The following MLLT10 variants were observed in gnomAD, a reference collection of about 807,000 sequenced individuals.
The protein encoded by MLLT10 is MLLT10 histone lysine methyltransferase DOT1L cofactor.
In MLLT10, 30 loss-of-function variants were observed where a neutral mutation model predicts 129.1. The observed-to-expected ratio is 0.23, with a 90% CI of 0.17 to 0.32. The LOEUF (loss-of-function observed/expected upper bound fraction) is 0.32. Among genes scored for constraint, MLLT10 ranks in the 10% least tolerant of loss-of-function variants. The pLI is 1.00. For synonymous variants in MLLT10, 490 were observed against 446.4 expected, an observed-to-expected ratio of 1.10 and a Z score of -1.23; for missense variants, 1,119 against 1,268.3, an observed-to-expected ratio of 0.88 and a Z score of 1.79.
intron 3 of MLLT10, among the ~76,000 whole-genome samples, chr10:21,554,379 T>G (rs970557489): frequency 3.9e-5 from 6 of 152,186 alleles, no homozygotes; most frequent in African/African-American, 1.4e-4. Context: ...CACGCTGACC[T>G]TGAAAGTGAT....
In MLLT10 at chr10:21,733,559, T is replaced by G; in HGVS notation, c.2463T>G (p.Phe821Leu). 6.3e-7 allele frequency: 1 copy of G among 1,577,382 alleles called. No individual in the cohort carries two copies. The highest frequency in any genetic ancestry group is 2.2e-5 in the East Asian group (1 of 44,626). ...SSKSPHIGNS[F>L]LPDNSLPVLN... ...AGAGCCCTCATATAGGAAACAGCTT[T>G]TTACCTGATAATTCTCTTCCTGTAT... The change falls in exon 19 of 23, where the codon TTT (phenylalanine) becomes TTG (leucine). Residue 821 changes from phenylalanine to leucine, a missense_variant. By Grantham distance (22) the Phe-to-Leu change is conservative (BLOSUM62 0). Transcript: ENST00000307729.
At position 21,535,078 on chromosome 10, in the gene MLLT10, G is replaced by A. The variant is rs867376384; in HGVS notation, c.160+274G>A. ...GGGTCTGCTGACTCGGCGGGGCGGGGCGGGGCAGGGCGGCGGCCGCGCCCT... is the reference window on the plus strand; with the variant it reads ...GGGTCTGCTGACTCGGCGGGGCGGGACGGGGCAGGGCGGCGGCCGCGCCCT... On this transcript the variant is annotated intron_variant, in intron 2 of 22. Transcript: ENST00000307729. 2.8e-3 allele frequency among the ~76,000 whole-genome samples: 412 copies of A among 148,208 alleles called. 8 individuals are homozygous for A. In the East Asian group the frequency reaches 0.051, roughly 18 times the overall value.
chr10:21,551,019 A>G (rs1157106375), intron 3 of MLLT10, among the ~76,000 whole-genome samples: 1 of 151,074 alleles, frequency 6.6e-6, no homozygotes, highest in South Asian at 2.1e-4. Flanking sequence ...CCCAGGTTCA[A>G]GTGTTCAGGT....
intron 2 of MLLT10, among the ~76,000 whole-genome samples, chr10:21,535,746 A>T (rs1048888330): frequency 6.6e-6 from 1 of 152,146 alleles, no homozygotes; most frequent in Non-Finnish European, 1.5e-5. Context: ...GCATTAAGCG[A>T]TGCATATGTT....
rs1321150446 is a variant in MLLT10 at position 21,615,021 on chromosome 10, T to C, written c.603+97T>C. On this transcript the variant is annotated intron_variant, in intron 7 of 22. Coordinates refer to ENST00000307729, the MANE Select transcript of MLLT10 (RefSeq NM_001195626.3). ...AAAAAAGCATATAACAGTTCCTTTT[T>C]CCTTGAGTTTTTGGCTGGAGATTGT... is the stretch of plus-strand genomic sequence containing the variant. The C allele has an allele frequency of 3.1e-6, 3 of 963,166 alleles. No homozygotes were observed. The African/African-American group carries it at 5.0e-5, about 16-fold the overall frequency. 59.7% of individuals were successfully genotyped at this position (963,166 alleles called of 1,614,324 possible). A position where few individuals can be genotyped will look rare whatever the true frequency, so the allele number is the denominator to read the frequency against.
chr10:21,609,428 G>A (rs968366937), intron 5 of MLLT10, among the ~76,000 whole-genome samples: 1 of 152,214 alleles, frequency 6.6e-6, no homozygotes, highest in Non-Finnish European at 1.5e-5. Flanking sequence ...TTTTCAGCCA[G>A]TTTTTGATCA....
At chr10:21,682,364 A>G in intron 13 of MLLT10, 107 bp downstream of exon 13, 1 of 1,027,538 alleles carries the variant, frequency 9.7e-7, no homozygotes, top group Non-Finnish European at 1.4e-6. Context: ...GATGAAATCC[A>G]GTGCTGCAGT....
At chr10:21,740,390 C>T (rs1839797352) in intron 22 of MLLT10, among the ~76,000 whole-genome samples, 154 bp downstream of exon 22, 1 of 152,164 alleles carries the variant, frequency 6.6e-6, no homozygotes, top group African/African-American at 2.4e-5. Context: ...GGATCTAAGC[C>T]AATTTATACG....
intron 8 of MLLT10, among the ~76,000 whole-genome samples, chr10:21,634,681 C>T (rs528475450): frequency 1.3e-5 from 2 of 152,294 alleles, no homozygotes; most frequent in East Asian, 3.9e-4. Flanking sequence ...ATATTTATTT[C>T]TTGGCATGCT....
At chr10:21,569,116 T>G (rs1209383083) in intron 3 of MLLT10, among the ~76,000 whole-genome samples, 3 of 152,212 alleles carry the variant, frequency 2.0e-5, no homozygotes, top group African/African-American at 4.8e-5. Flanking sequence ...TCTTGGTGAA[T>G]GTTCCAAATG....
chr10:21,645,579 T>A (rs1408311301), intron 8 of MLLT10, among the ~76,000 whole-genome samples: 1 of 152,190 alleles, frequency 6.6e-6, no homozygotes. Context: ...CTGATGAACT[T>A]GTCTTGATGA....
At chr10:21,558,177 C>T (rs1265659526) in intron 3 of MLLT10, among the ~76,000 whole-genome samples, 2 of 152,004 alleles carry the variant, frequency 1.3e-5, no homozygotes, top group African/African-American at 4.8e-5. Context: ...TCTCGAACTA[C>T]TGACCTCCGG....
intron 3 of MLLT10, among the ~76,000 whole-genome samples, chr10:21,576,483 C>G (rs1373601491): frequency 6.6e-6 from 1 of 151,982 alleles, no homozygotes; most frequent in Non-Finnish European, 1.5e-5. Flanking sequence ...TTGTGATCCA[C>G]CCACCTCGGC....
At chr10:21,602,649 T>C (rs994054712) in intron 5 of MLLT10, among the ~76,000 whole-genome samples, 2 of 152,218 alleles carry the variant, frequency 1.3e-5, no homozygotes, top group African/African-American at 4.8e-5. Context: ...GTTTTAGTTT[T>C]TTGAAACTGT....
rs952151591 is a variant in MLLT10 at position 21,742,110 on chromosome 10, T to C, written c.*127T>C. 3.7e-6 allele frequency: 3 copies of C among 800,426 alleles called. No homozygotes were observed. The Admixed American group carries it at 7.5e-5, about 20-fold the overall frequency. 49.6% of individuals were successfully genotyped at this position (800,426 alleles called of 1,614,324 possible). On this transcript the variant is annotated 3_prime_UTR_variant, in exon 23 of 23. Coordinates refer to ENST00000307729, the MANE Select transcript of MLLT10 (RefSeq NM_001195626.3). Reference sequence around the variant, plus strand: ...AACTCAATGCACAACAAAGGATTAATTGCTGCAAGGACATTCTTGTAAGGC... The same window carrying C: ...AACTCAATGCACAACAAAGGATTAACTGCTGCAAGGACATTCTTGTAAGGC...
chr10:21,545,282 G>A (rs2035895123), intron 3 of MLLT10, among the ~76,000 whole-genome samples: 1 of 151,624 alleles, frequency 6.6e-6, no homozygotes, highest in African/African-American at 2.4e-5. Context: ...GTTCACATTT[G>A]GGAGAGTAAG....
intron 3 of MLLT10, among the ~76,000 whole-genome samples, chr10:21,568,613 C>G (rs1475507421): frequency 1.3e-5 from 2 of 151,804 alleles, no homozygotes; most frequent in Admixed American, 6.6e-5. Flanking sequence ...TTTTTTACCC[C>G]TTGGTTATTT....
At chr10:21,577,238 A>G (rs1352218582) in intron 3 of MLLT10, among the ~76,000 whole-genome samples, 1 of 152,206 alleles carries the variant, frequency 6.6e-6, no homozygotes, top group African/African-American at 2.4e-5. Context: ...TTGCATGGCT[A>G]TACTACATTT....
Position 21,733,800 on chromosome 10 carries a change from C to T in MLLT10, c.2529C>T (p.Ser843=), listed in dbSNP as rs1425167519. The T allele has an allele frequency of 1.2e-6, 2 of 1,613,752 alleles. No homozygotes were observed. Among genetic ancestry groups the T allele is most frequent in the South Asian group, 1.1e-5 (1 of 91,048 alleles). The change falls in exon 20 of 23, where the codon AGC becomes AGT. Residue 843 remains serine (S), a synonymous_variant. Coordinates refer to ENST00000307729, the MANE Select transcript of MLLT10 (RefSeq NM_001195626.3). ...CCTCCAGTGGACAAAGTACCAGCAG[C>T]TCATCAGCTCTTTCTACCCCACCTC... ...DLTSSGQSTS[S]SSALSTPPPA...
Sources: allele counts gnomAD v4.1 joint callset (sites outside exome capture counted in the v4.1 genomes callset), GRCh38; gene constraint gnomAD v4.1.1; transcripts MANE v1.5; gene names NCBI Gene and HGNC (gene_info 2026-07-23, HGNC 2026-07-21).